Variants in GRB2 observed in about 807,000 individuals in gnomAD.
GRB2 encodes the protein growth factor receptor bound protein 2, also known as growth factor receptor-bound protein 2.
Under a neutral mutation model 27.4 loss-of-function variants are expected in GRB2, and 2 were observed. The ratio of observed to expected loss-of-function variants is 0.07; its 90% confidence interval spans 0.03 to 0.23. The LOEUF (loss-of-function observed/expected upper bound fraction) is 0.23. GRB2 is among the 10% of genes least tolerant of loss of function. The pLI, the probability that GRB2 is intolerant of heterozygous loss-of-function variation, is 1.00. For synonymous variants in GRB2, 94 were observed against 99.6 expected, an observed-to-expected ratio of 0.94 and a Z score of 0.33; for missense variants, 102 against 282.4, an observed-to-expected ratio of 0.36 and a Z score of 4.58.
intron 2 of GRB2, chr17:75,373,005 C>T (rs984007416): frequency 3.3e-5 from 5 of 152,162 alleles, no homozygotes; most frequent in African/African-American, 1.2e-4. Context: ...CTTTGGGAGG[C>T]CGAGGTGGGC....
rs1342297837 is a variant in GRB2 at position 75,358,191 on chromosome 17, A to G, written c.79-25394T>C. ...CCTAATTATTAGGTTCACTGCCCACACAAGTATAGAGGAAGAAAATAGCTA... is the reference window on the plus strand; with the variant it reads ...CCTAATTATTAGGTTCACTGCCCACGCAAGTATAGAGGAAGAAAATAGCTA... On this transcript the variant is annotated intron_variant, in intron 2 of 5. Transcript: ENST00000316804. Among the ~76,000 whole-genome samples, 4 of 152,228 alleles carry G rather than the reference A, an allele frequency of 2.6e-5. No homozygotes were observed. In the East Asian group the frequency reaches 7.7e-4, roughly 29 times the overall value.
At position 75,320,997 on chromosome 17, in the gene GRB2, A is replaced by ACAGGAACGGGTGCCGACC. The variant is rs1318126375; in HGVS notation, c.469-462_469-445dup. On this transcript the variant is annotated intron_variant, in intron 5 of 5. Transcript: ENST00000316804. This position sits in a 1 kb window ranked among gnomAD's most constrained non-coding sequence, Gnocchi z 4.3. ...GTAACTTACGACCAGGGCTCGAGGG[A>ACAGGAACGGGTGCCGACC]CAGGAACGGGTGCCGACCCCATTCC... Among the ~76,000 whole-genome samples, 1 of 152,094 alleles carries ACAGGAACGGGTGCCGACC rather than the reference A, an allele frequency of 6.6e-6. No individual in the cohort carries two copies. The highest frequency in any genetic ancestry group is 6.6e-5 in the Admixed American group (1 of 15,260).
intron 2 of GRB2, among the ~76,000 whole-genome samples, chr17:75,360,481 G>C (rs2078772754): frequency 6.6e-6 from 1 of 152,196 alleles, no homozygotes; most frequent in Admixed American, 6.5e-5. Context: ...GTAATTATCT[G>C]ATTTTAGAAG....
intron 2 of GRB2, among the ~76,000 whole-genome samples, chr17:75,352,403 A>C (rs1044493451): frequency 1.3e-5 from 2 of 152,236 alleles, no homozygotes; most frequent in African/African-American, 4.8e-5. Flanking sequence ...AGGATGTATT[A>C]ACGCAAACAA....
chr17:75,397,638 G>A (rs913454287), intron 1 of GRB2, among the ~76,000 whole-genome samples: 1 of 151,996 alleles, frequency 6.6e-6, no homozygotes, highest in African/African-American at 2.4e-5. Context: ...GGTCTCTAGA[G>A]GCAGGCCCCT....
chr17:75,393,448 T>C (rs1207543462), intron 2 of GRB2, 103 bp downstream of exon 2: 3 of 878,206 alleles, frequency 3.4e-6, no homozygotes, highest in African/African-American at 3.3e-5. Context: ...ATGTTAAAAG[T>C]GTACAATGAA....
At position 75,393,674 on chromosome 17, in the gene GRB2, A is replaced by G; in HGVS notation, c.-46T>C. ...CAGCAGCCTGAAGCAGGGGGAAGGG[A>G]GTCTTCCCTGCTGAAGCAACCCAGC... On this transcript the variant is annotated 5_prime_UTR_variant, in exon 2 of 6. Coordinates refer to ENST00000316804, the MANE Select transcript of GRB2 (RefSeq NM_002086.5). 5.4e-6 allele frequency: 8 copies of G among 1,481,814 alleles called. No individual in the cohort carries two copies. Among genetic ancestry groups the G allele is most frequent in the Non-Finnish European group, 7.5e-6 (8 of 1,060,128 alleles). 91.8% of individuals were successfully genotyped at this position (1,481,814 alleles called of 1,614,324 possible). A position where few individuals can be genotyped will look rare whatever the true frequency, so the allele number is the denominator to read the frequency against.
chr17:75,360,847 C>T (rs1194070138), intron 2 of GRB2, among the ~76,000 whole-genome samples: 2 of 152,168 alleles, frequency 1.3e-5, no homozygotes, highest in Non-Finnish European at 2.9e-5. Flanking sequence ...AGTGCAGTGG[C>T]GTGAACACAG....
chr17:75,323,548 TAAAG>T (rs916844453), intron 4 of GRB2, among the ~76,000 whole-genome samples: 32 of 152,206 alleles, frequency 2.1e-4, no homozygotes, highest in African/African-American at 6.8e-4. Flanking sequence ...TGTGTGTTGT[TAAAG>T]AGAGTCATGA....
At position 75,370,251 on chromosome 17, in the gene GRB2, C is replaced by A. The variant is rs564732155; in HGVS notation, c.78+23300G>T. Among the ~76,000 whole-genome samples the A allele has an allele frequency of 2.0e-5, 3 of 152,280 alleles. No individual in the cohort carries two copies. The East Asian group carries it at 5.8e-4, about 29-fold the overall frequency. On this transcript the variant is annotated intron_variant, in intron 2 of 5. Coordinates refer to ENST00000316804, the MANE Select transcript of GRB2 (RefSeq NM_002086.5). ...GGGCAAATTTAAAAAGATATTGGTGCCTTGTTGACTGAAACCCACTATTCC... is the reference window on the plus strand; with the variant it reads ...GGGCAAATTTAAAAAGATATTGGTGACTTGTTGACTGAAACCCACTATTCC...
intron 2 of GRB2, among the ~76,000 whole-genome samples, chr17:75,364,467 C>T (rs1164462305): frequency 6.6e-6 from 1 of 151,944 alleles, no homozygotes; most frequent in African/African-American, 2.4e-5. Flanking sequence ...TAAGGTCCAC[C>T]CAGAAAAACC....
chr17:75,329,432 C>G (rs1037682007), intron 3 of GRB2, among the ~76,000 whole-genome samples: 11 of 152,046 alleles, frequency 7.2e-5, no homozygotes, highest in Admixed American at 2.6e-4. Flanking sequence ...GACATGGCTG[C>G]TGTGTTTTCT....
At chr17:75,398,101 G>T (rs2079040186) in intron 1 of GRB2, among the ~76,000 whole-genome samples, 1 of 151,784 alleles carries the variant, frequency 6.6e-6, no homozygotes, top group Admixed American at 6.6e-5. Flanking sequence ...GGGATTACAG[G>T]CATGAGCCAC....
intron 2 of GRB2, among the ~76,000 whole-genome samples, chr17:75,350,997 A>G (rs533916822): frequency 6.6e-6 from 1 of 152,134 alleles, no homozygotes; most frequent in Non-Finnish European, 1.5e-5. Context: ...GCAGGGCAGA[A>G]TAAGGACTTG....
intron 3 of GRB2, among the ~76,000 whole-genome samples, chr17:75,327,371 G>A (rs866983063): frequency 6.8e-6 from 1 of 147,586 alleles, no homozygotes; most frequent in South Asian, 2.1e-4. Context: ...GAGCCACTAC[G>A]CCCGGCCCTT....
chr17:75,399,340 C>T (rs929786034), intron 1 of GRB2, among the ~76,000 whole-genome samples: 3 of 151,618 alleles, frequency 2.0e-5, no homozygotes, highest in African/African-American at 7.3e-5. Flanking sequence ...AGGGGTGAGC[C>T]ACCACACCTG....
chr17:75,324,507 GTTTTT>G (rs767194304), intron 4 of GRB2, among the ~76,000 whole-genome samples: 397 of 36,638 alleles, frequency 0.011, 4 homozygotes, highest in Non-Finnish European at 0.017. Flanking sequence ...ACCGCACCCA[GTTTTT>G]TTTTTTTTTT....
At chr17:75,400,138 C>A (rs2079054987) in intron 1 of GRB2, among the ~76,000 whole-genome samples, 1 of 151,950 alleles carries the variant, frequency 6.6e-6, no homozygotes. Context: ...GCTGGGACTA[C>A]AGGTGTGTGC....
chr17:75,334,197 G>A (rs145616109), intron 2 of GRB2, among the ~76,000 whole-genome samples: 1 of 151,820 alleles, frequency 6.6e-6, no homozygotes, highest in East Asian at 1.9e-4. Flanking sequence ...TTGAGACAGA[G>A]TCTCGCTCTG....
Sources: allele counts gnomAD v4.1 joint callset (sites outside exome capture counted in the v4.1 genomes callset), GRCh38; gene constraint gnomAD v4.1.1; non-coding constraint Gnocchi (gnomAD v3.1); transcripts MANE v1.5; gene names NCBI Gene and HGNC (gene_info 2026-07-23, HGNC 2026-07-21).